BANK1: variants seen among roughly 807,000 people sequenced by gnomAD.
BANK1 encodes B cell scaffold protein with ankyrin repeats 1, also known as B-cell scaffold protein with ankyrin repeats.
In BANK1, 95 loss-of-function variants were observed where a neutral mutation model predicts 94.5. That is an observed-to-expected ratio of 1.00 (90% CI 0.85 to 1.19). The LOEUF is 1.19. Among genes scored for constraint, BANK1 ranks in the 50% most tolerant of loss-of-function variants. BANK1 has a pLI of 0.00. For missense variants in BANK1, 987 were observed against 932.2 expected (o/e 1.06, Z -0.77); for synonymous variants, 334 against 308.4 (o/e 1.08, Z -0.87).
intron 11 of BANK1, among the ~76,000 whole-genome samples, chr4:102,045,318 A>T (rs1339773632): frequency 6.6e-6 from 1 of 152,118 alleles, no homozygotes; most frequent in African/African-American, 2.4e-5. Context: ...TCTATGACAA[A>T]CCCACAGCCA....
chr4:102,037,504 A>G (rs936200898), intron 10 of BANK1, among the ~76,000 whole-genome samples: 3 of 152,154 alleles, frequency 2.0e-5, no homozygotes, highest in African/African-American at 7.2e-5. Flanking sequence ...TTAACACGTG[A>G]TTCTTTGTAA....
chr4:102,005,797 A>T (rs1304566112), intron 7 of BANK1, among the ~76,000 whole-genome samples: 2 of 151,994 alleles, frequency 1.3e-5, no homozygotes, highest in Non-Finnish European at 2.9e-5. Context: ...ACAGATAAGC[A>T]AACTGAGGGA....
At chr4:101,801,543 C>G (rs1260919756) in intron 1 of BANK1, among the ~76,000 whole-genome samples, 1 of 152,192 alleles carries the variant, frequency 6.6e-6, no homozygotes, top group Non-Finnish European at 1.5e-5. Flanking sequence ...GCAAAATTCA[C>G]AGTTCCTCCA....
intron 2 of BANK1, among the ~76,000 whole-genome samples, chr4:101,842,982 C>G (rs139763205): frequency 2.0e-5 from 3 of 152,286 alleles, no homozygotes; most frequent in Admixed American, 6.5e-5. Context: ...TCTTCTCATG[C>G]TAAATGAGCT....
At chr4:101,864,579 T>TAC (rs1451128448) in intron 4 of BANK1, among the ~76,000 whole-genome samples, 1 of 152,168 alleles carries the variant, frequency 6.6e-6, no homozygotes, top group Non-Finnish European at 1.5e-5. Flanking sequence ...GCAGGTGTGA[T>TAC]ACCTTTCCTC....
intron 7 of BANK1, among the ~76,000 whole-genome samples, chr4:101,998,307 T>C (rs1725948974): frequency 6.6e-6 from 1 of 152,214 alleles, no homozygotes; most frequent in Admixed American, 6.5e-5. Context: ...TCTGTTCTTT[T>C]TCATTTGCTG....
rs1387290750 is a variant in BANK1 at position 102,030,233 on chromosome 4, CA to C, written c.1872del (p.Glu625ArgfsTer7). The C allele has an allele frequency of 6.2e-7, 1 of 1,600,570 alleles. No individual in the cohort carries two copies. Among genetic ancestry groups the C allele is most frequent in the East Asian group, 2.2e-5 (1 of 44,822 alleles). The part of the protein sequence containing the change: ...APTPRPTSIP[P>X]KEETTPYIAQ... Reference sequence around the variant, plus strand: ...ACACCCCGACCCACAAGTATACCTCCAAAAGAGGAAACTACACCTTACATAG... The same window carrying C: ...ACACCCCGACCCACAAGTATACCTCCAAAGAGGAAACTACACCTTACATAG... On this transcript the variant is annotated frameshift_variant, in exon 10 of 17. Transcript: ENST00000322953. LOFTEE classifies it high-confidence loss of function.
chr4:101,929,608 A>C (rs1021954816), intron 7 of BANK1, among the ~76,000 whole-genome samples: 1 of 151,564 alleles, frequency 6.6e-6, no homozygotes, highest in Non-Finnish European at 1.5e-5. Context: ...TCAGGGAATG[A>C]ATATATGTAC....
intron 7 of BANK1, among the ~76,000 whole-genome samples, chr4:102,018,820 CTTT>C (rs1199831397): frequency 4.3e-5 from 6 of 140,520 alleles, no homozygotes; most frequent in Non-Finnish European, 3.1e-5. Context: ...TCTTTCTTTC[CTTT>C]TTTTTTTTTT....
chr4:101,892,799 A>T (rs1049995657), intron 5 of BANK1, among the ~76,000 whole-genome samples: 6 of 151,974 alleles, frequency 3.9e-5, no homozygotes, highest in African/African-American at 1.4e-4. Flanking sequence ...ATTCTAATTT[A>T]TGTCATTTTA....
intron 1 of BANK1, among the ~76,000 whole-genome samples, chr4:101,810,830 A>G (rs1277944446): frequency 6.6e-6 from 1 of 152,208 alleles, no homozygotes; most frequent in Non-Finnish European, 1.5e-5. Flanking sequence ...TAATGCTTAT[A>G]AAGCATCAGA....
At chr4:101,798,229 G>A (rs1218874630) in intron 1 of BANK1, among the ~76,000 whole-genome samples, 1 of 152,162 alleles carries the variant, frequency 6.6e-6, no homozygotes, top group African/African-American at 2.4e-5. Context: ...AAGAAGGTAA[G>A]GTGATGGAGG....
At chr4:101,843,549 G>A (rs1048037804) in intron 2 of BANK1, among the ~76,000 whole-genome samples, 55 of 152,244 alleles carry the variant, frequency 3.6e-4, no homozygotes, top group African/African-American at 1.3e-3. Context: ...AGATATTAGT[G>A]ATGCTTTGTC....
chr4:101,801,089 A>G (rs2148850296), intron 1 of BANK1, among the ~76,000 whole-genome samples: 1 of 152,248 alleles, frequency 6.6e-6, no homozygotes, highest in Admixed American at 6.5e-5. Flanking sequence ...TGGGCAAAAA[A>G]CTGTATGCTT....
chr4:102,054,010 T>G (rs1484498569), intron 11 of BANK1, among the ~76,000 whole-genome samples: 1 of 152,014 alleles, frequency 6.6e-6, no homozygotes, highest in Non-Finnish European at 1.5e-5. Context: ...AACAAGATTA[T>G]GTATAACAGC....
At chr4:101,869,482 G>GAAAT (rs1728200779) in intron 4 of BANK1, among the ~76,000 whole-genome samples, 3 of 151,936 alleles carry the variant, frequency 2.0e-5, no homozygotes, top group Non-Finnish European at 4.4e-5. Context: ...GTCTACTCAA[G>GAAAT]AAATATGAGG....
chr4:102,022,046 G>A (rs1224355747), intron 8 of BANK1, among the ~76,000 whole-genome samples: 1 of 151,804 alleles, frequency 6.6e-6, no homozygotes, highest in African/African-American at 2.4e-5. Flanking sequence ...GTTCCTACAT[G>A]TATATAAACG....
chr4:101,802,467 G>A (rs1035035253), intron 1 of BANK1, among the ~76,000 whole-genome samples: 2 of 152,170 alleles, frequency 1.3e-5, no homozygotes, highest in Non-Finnish European at 2.9e-5. Flanking sequence ...GGGTAATTAG[G>A]AAGCATTTAT....
At chr4:102,035,647 CAAA>C (rs10539905) in intron 10 of BANK1, among the ~76,000 whole-genome samples, 72,158 of 124,906 alleles carry the variant, frequency 0.58, 18,302 homozygotes, top group Admixed American at 0.61. Context: ...GACTCCGTCT[CAAA>C]AAAAAAAAAA....
Sources: allele counts gnomAD v4.1 joint callset (sites outside exome capture counted in the v4.1 genomes callset), GRCh38; gene constraint gnomAD v4.1.1; transcripts MANE v1.5; gene names NCBI Gene and HGNC (gene_info 2026-07-23, HGNC 2026-07-21).